The following SLC9A8 variants were observed in gnomAD, a reference collection of about 807,000 sequenced individuals.
SLC9A8 encodes sodium/hydrogen exchanger 8.
Under a neutral mutation model 66.6 loss-of-function variants are expected in SLC9A8, and 48 were observed. That is an observed-to-expected ratio of 0.72 (90% confidence interval 0.57 to 0.92). The LOEUF (loss-of-function observed/expected upper bound fraction) is 0.92. Among genes scored for constraint, SLC9A8 ranks in the 40% least tolerant of loss-of-function variants. SLC9A8 has a pLI of 0.00. For missense variants in SLC9A8, 599 were observed against 747.3 expected, an observed-to-expected ratio of 0.80 and a Z score of 2.31; for synonymous variants, 274 against 282.6, an observed-to-expected ratio of 0.97 and a Z score of 0.31.
intron 1 of SLC9A8, 23 bp from the exon 2 acceptor site, chr20:49,814,985 A>G (rs1219610129): frequency 1.3e-6 from 2 of 1,489,970 alleles, no homozygotes; most frequent in Non-Finnish European, 1.8e-6. Flanking sequence ...CCATTATCTA[A>G]TTATGCTTTC....
intron 2 of SLC9A8, among the ~76,000 whole-genome samples, chr20:49,817,762 A>G (rs1313440666): frequency 6.6e-6 from 1 of 152,248 alleles, no homozygotes; most frequent in African/African-American, 2.4e-5. Flanking sequence ...AATGTCTCAT[A>G]TAGATTTAAT....
chr20:49,825,860 C>T (rs914921109), intron 3 of SLC9A8, among the ~76,000 whole-genome samples: 1 of 152,204 alleles, frequency 6.6e-6, no homozygotes, highest in African/African-American at 2.4e-5. Context: ...CAGACAGGCT[C>T]TTGGTGTGGT....
intron 4 of SLC9A8, among the ~76,000 whole-genome samples, chr20:49,839,839 T>C (rs1000681432): frequency 6.6e-6 from 1 of 152,194 alleles, no homozygotes; most frequent in African/African-American, 2.4e-5. Flanking sequence ...GTTATTATAC[T>C]TGCATTTTTG....
intron 13 of SLC9A8, 53 bp downstream of exon 13, chr20:49,881,088 C>T: frequency 3.1e-6 from 4 of 1,275,366 alleles, no homozygotes; most frequent in Non-Finnish European, 4.6e-6. Flanking sequence ...AAAAGCACGC[C>T]CCATACAGGG....
intron 3 of SLC9A8, chr20:49,829,038 C>T (rs1421817527): frequency 1.4e-5 from 2 of 142,096 alleles, no homozygotes; most frequent in Non-Finnish European, 3.0e-5. Flanking sequence ...AGAACTTGTG[C>T]TGGGATTCTA....
chr20:49,852,007 T>C (rs1219376057), intron 7 of SLC9A8, among the ~76,000 whole-genome samples: 1 of 152,214 alleles, frequency 6.6e-6, no homozygotes. Flanking sequence ...GGAATTGCCC[T>C]GTAGACACAC....
chr20:49,866,008 A>G (rs1223249579), intron 10 of SLC9A8, among the ~76,000 whole-genome samples: 1 of 152,222 alleles, frequency 6.6e-6, no homozygotes, highest in Non-Finnish European at 1.5e-5. Context: ...TTCTAAGTAT[A>G]TAGTTCCATG....
chr20:49,878,095 A>G, intron 12 of SLC9A8, 32 bp downstream of exon 12: 1 of 1,364,242 alleles, frequency 7.3e-7, no homozygotes, highest in Non-Finnish European at 1.0e-6. Flanking sequence ...TTTAAATTTA[A>G]TTACTTATTT....
In SLC9A8 at chr20:49,846,888, A is replaced by C. The variant is rs138981504; in HGVS notation, c.432+1769A>C. On this transcript the variant is annotated intron_variant, in intron 5 of 15. Transcript: ENST00000361573. ...CAGTGAGCTGAGATCACGCCACTGCACTCCAGCCTGAGTGATAGAGGGAGA... is the reference window on the plus strand; with the variant it reads ...CAGTGAGCTGAGATCACGCCACTGCCCTCCAGCCTGAGTGATAGAGGGAGA... Among the ~76,000 whole-genome samples the C allele has an allele frequency of 7.1e-3, 1,076 of 152,264 alleles. 9 individuals carry two copies. The highest frequency in any genetic ancestry group is 0.021 in the African/African-American group (892 of 41,540).
chr20:49,853,197 A>G (rs1600726820), intron 7 of SLC9A8, among the ~76,000 whole-genome samples: 1 of 152,216 alleles, frequency 6.6e-6, no homozygotes, highest in Admixed American at 6.5e-5. Context: ...AGGCTGGAGT[A>G]TAGTGGCATG....
At chr20:49,885,248 G>A (rs1377251157) in intron 14 of SLC9A8, among the ~76,000 whole-genome samples, 1 of 152,192 alleles carries the variant, frequency 6.6e-6, no homozygotes, top group African/African-American at 2.4e-5. Flanking sequence ...GAATCGGTGG[G>A]GGGCTTGCTA....
chr20:49,815,792 T>G (rs965617274), intron 2 of SLC9A8, among the ~76,000 whole-genome samples: 1 of 151,952 alleles, frequency 6.6e-6, no homozygotes, highest in South Asian at 2.1e-4. Flanking sequence ...TTTCAAGTTC[T>G]ACTCAAAGGA....
At chr20:49,876,161 G>A (rs1006824439) in intron 11 of SLC9A8, among the ~76,000 whole-genome samples, 2 of 152,186 alleles carry the variant, frequency 1.3e-5, no homozygotes, top group Non-Finnish European at 2.9e-5. Flanking sequence ...ACTTGCCCAT[G>A]GTCTCATGGC....
chr20:49,866,505 T>G (rs2088974191), intron 10 of SLC9A8, among the ~76,000 whole-genome samples: 1 of 152,228 alleles, frequency 6.6e-6, no homozygotes, highest in Non-Finnish European at 1.5e-5. Context: ...GCCAGTTGCT[T>G]CATATTGCCA....
rs1195511587 is a variant in SLC9A8 at position 49,887,880 on chromosome 20, G to A, written c.1690G>A (p.Glu564Lys). 3.1e-6 allele frequency: 5 copies of A among 1,613,568 alleles called. No homozygotes were observed. Among genetic ancestry groups the A allele is most frequent in the Middle Eastern group, 1.6e-4 (1 of 6,080 alleles). The change falls in exon 16 of 16, where the codon GAG (glutamate) becomes AAG (lysine). Residue 564 changes from glutamate to lysine, a missense_variant. Coordinates refer to ENST00000361573, the MANE Select transcript of SLC9A8 (RefSeq NM_015266.3). ...GAAAACTCTCACCAACAAGTGGTAC[G>A]AGGAGGTACGCCAGGGCCCCTCCGG... ...QMKTLTNKWY[E>K]EVRQGPSGSE...
At chr20:49,877,099 C>T (rs2089453322) in intron 11 of SLC9A8, among the ~76,000 whole-genome samples, 1 of 149,384 alleles carries the variant, frequency 6.7e-6, no homozygotes, top group South Asian at 2.1e-4. Flanking sequence ...ACCAGCCTGG[C>T]CAACACAGTG....
At chr20:49,817,460 T>G (rs1379108976) in intron 2 of SLC9A8, among the ~76,000 whole-genome samples, 13 of 152,076 alleles carry the variant, frequency 8.5e-5, no homozygotes, top group Non-Finnish European at 7.4e-5. Flanking sequence ...AACTGTTTTT[T>G]TTTTTTTTTT....
intron 3 of SLC9A8, among the ~76,000 whole-genome samples, chr20:49,831,402 ACTCTCTCTCT>A (rs11469884): frequency 0.091 from 12,987 of 142,816 alleles, 650 homozygotes; most frequent in Middle Eastern, 0.12. Flanking sequence ...ACACACACAC[ACTCTCTCTCT>A]CTCTCTCTCT....
chr20:49,884,134 G>C, intron 14 of SLC9A8, 68 bp downstream of exon 14: 3 of 1,389,896 alleles, frequency 2.2e-6, no homozygotes, highest in Non-Finnish European at 3.0e-6. Context: ...GGTCCCCACT[G>C]TCAGGAAATG....
Sources: allele counts gnomAD v4.1 joint callset (sites outside exome capture counted in the v4.1 genomes callset), GRCh38; gene constraint gnomAD v4.1.1; transcripts MANE v1.5; gene names NCBI Gene and HGNC (gene_info 2026-07-23, HGNC 2026-07-21).